Variants in CHRM3 observed in about 807,000 individuals in gnomAD.
CHRM3 encodes the protein muscarinic acetylcholine receptor M3.
A neutral mutation model predicts 41.8 loss-of-function variants in CHRM3; 11 were observed. The ratio of observed to expected loss-of-function variants is 0.26; its 90% CI spans 0.17 to 0.44. The LOEUF is 0.44. CHRM3 is among the 20% of genes least tolerant of loss of function. The pLI, the probability that CHRM3 is intolerant of heterozygous loss-of-function variation, is 1.00. For synonymous variants in CHRM3, 297 were observed against 301.4 expected, an observed-to-expected ratio of 0.99 and a Z score of 0.15; for missense variants, 571 against 745.4, an observed-to-expected ratio of 0.77 and a Z score of 2.72.
chr1:239,780,958 T>G (rs116606463), intron 5 of CHRM3, among the ~76,000 whole-genome samples: 1,967 of 152,204 alleles, frequency 0.013, 36 homozygotes, highest in African/African-American at 0.045. Context: ...GGGCTCTCTA[T>G]TTTGTTTTAT....
At chr1:239,750,810 G>A (rs1033222566) in intron 5 of CHRM3, among the ~76,000 whole-genome samples, 1 of 152,144 alleles carries the variant, frequency 6.6e-6, no homozygotes, top group African/African-American at 2.4e-5. Context: ...TTTCTGGTTG[G>A]TAGGGCTGCC....
At chr1:239,892,058 C>A (rs1200466427) in intron 6 of CHRM3, among the ~76,000 whole-genome samples, 1 of 152,204 alleles carries the variant, frequency 6.6e-6, no homozygotes, top group Admixed American at 6.5e-5. Context: ...AGCTTACACA[C>A]ACTTTTGGTA....
intron 4 of CHRM3, among the ~76,000 whole-genome samples, chr1:239,637,638 C>A (rs1293240495): frequency 2.0e-5 from 3 of 149,740 alleles, no homozygotes; most frequent in Non-Finnish European, 4.4e-5. Context: ...AAGGTCAACC[C>A]CACACAACAC....
intron 6 of CHRM3, among the ~76,000 whole-genome samples, chr1:239,895,539 CA>C (rs1275036209): frequency 1.4e-5 from 2 of 143,390 alleles, no homozygotes; most frequent in Admixed American, 6.7e-5. Context: ...GCACTGTTCA[CA>C]ATAGCAAAGA....
chr1:239,832,692 T>A (rs1341936281), intron 6 of CHRM3, among the ~76,000 whole-genome samples: 3 of 152,018 alleles, frequency 2.0e-5, no homozygotes, highest in African/African-American at 7.3e-5. Context: ...ACGTTCATCC[T>A]AGATCCAATA....
chr1:239,711,824 G>A lies in CHRM3; in HGVS notation c.-147+33536G>A, dbSNP rs550068449. ...TTGCTTCAGCCTCTAGAGTAGCTAG[G>A]ACTGCAGGCACGCACCACCATACTC... On this transcript the variant is annotated intron_variant, in intron 5 of 6. Coordinates refer to ENST00000676153, the MANE Select transcript of CHRM3 (RefSeq NM_001375978.1). Among the ~76,000 whole-genome samples the A allele has an allele frequency of 3.9e-5, 6 of 152,098 alleles. No homozygotes were observed. In the South Asian group the frequency reaches 1.2e-3, roughly 32 times the overall value.
At chr1:239,738,445 G>A (rs1664572048) in intron 5 of CHRM3, among the ~76,000 whole-genome samples, 1 of 152,152 alleles carries the variant, frequency 6.6e-6, no homozygotes, top group Non-Finnish European at 1.5e-5. Flanking sequence ...GCCAAATGGG[G>A]ATTATTATCC....
chr1:239,881,643 C>A (rs1677646111), intron 6 of CHRM3, among the ~76,000 whole-genome samples: 1 of 152,156 alleles, frequency 6.6e-6, no homozygotes, highest in African/African-American at 2.4e-5. Flanking sequence ...ACTTGGAACC[C>A]ACACTCAGCC....
chr1:239,710,133 A>G lies in CHRM3; in HGVS notation c.-147+31845A>G, dbSNP rs536051582. Among the ~76,000 whole-genome samples, 6 of 152,326 alleles carry G rather than the reference A, an allele frequency of 3.9e-5. No homozygotes were observed. The South Asian group carries it at 1.0e-3, about 26-fold the overall frequency. Reference sequence around the variant, plus strand: ...AGAAACAAACATTGTGAATCAAACAATTAAATAGCCAATTAAAAACAAATA... The same window carrying G: ...AGAAACAAACATTGTGAATCAAACAGTTAAATAGCCAATTAAAAACAAATA... On this transcript the variant is annotated intron_variant, in intron 5 of 6. Transcript: ENST00000676153.
intron 2 of CHRM3, among the ~76,000 whole-genome samples, chr1:239,535,208 A>G (rs945485688): frequency 7.9e-5 from 12 of 152,142 alleles, no homozygotes; most frequent in Non-Finnish European, 2.9e-5. Context: ...TCACCAGGGT[A>G]CCAATCAACC....
chr1:239,492,752 G>A lies in CHRM3; in HGVS notation c.-477G>A, dbSNP rs1291099033. 2 of 152,250 alleles carry A rather than the reference G, an allele frequency of 1.3e-5. No individual in the cohort carries two copies. The highest frequency in any genetic ancestry group is 4.8e-5 in the African/African-American group (2 of 41,462). The allele number at this position is 152,250 out of a possible 1,614,324, so 9.4% of individuals were successfully genotyped here. A position where few individuals can be genotyped will look rare whatever the true frequency, so the allele number is the denominator to read the frequency against. ...TTTGGGCCAGGATCTGAACTTAGGTGTAAACCATTGCCCTGGCAGAGGGAA... is the reference window on the plus strand; with the variant it reads ...TTTGGGCCAGGATCTGAACTTAGGTATAAACCATTGCCCTGGCAGAGGGAA... On this transcript the variant is annotated 5_prime_UTR_variant, in exon 2 of 7. Coordinates refer to ENST00000676153, the MANE Select transcript of CHRM3 (RefSeq NM_001375978.1).
intron 4 of CHRM3, among the ~76,000 whole-genome samples, chr1:239,673,304 C>T (rs1309383658): frequency 2.6e-5 from 4 of 152,104 alleles, no homozygotes; most frequent in Admixed American, 6.5e-5. Context: ...GCTGATCACG[C>T]GTTTAAAGTC....
intron 5 of CHRM3, among the ~76,000 whole-genome samples, chr1:239,801,942 A>G (rs1670255094): frequency 6.6e-6 from 1 of 152,172 alleles, no homozygotes; most frequent in Non-Finnish European, 1.5e-5. Context: ...AGACATGCCT[A>G]CTGCCTACGG....
chr1:239,730,117 A>G (rs1663823073), intron 5 of CHRM3, among the ~76,000 whole-genome samples: 1 of 152,034 alleles, frequency 6.6e-6, no homozygotes, highest in Admixed American at 6.6e-5. Context: ...GTTAGAAAAT[A>G]TAGCCAGTTT....
intron 6 of CHRM3, among the ~76,000 whole-genome samples, chr1:239,894,364 A>G (rs1038592043): frequency 6.6e-6 from 1 of 152,238 alleles, no homozygotes; most frequent in Admixed American, 6.5e-5. Context: ...CGGCATGCCC[A>G]GGGACCTCAG....
Position 239,908,162 on chromosome 1 carries a change from C to T in CHRM3, c.711C>T (p.Ile237=), listed in dbSNP as rs374535786. 1.1e-5 allele frequency: 17 copies of T among 1,614,002 alleles called. No individual in the cohort carries two copies. The highest frequency in any genetic ancestry group is 6.7e-5 in the East Asian group (3 of 44,870). ...CCACCATTACTTTTGGCACAGCCAT[C>T]GCTGCTTTTTATATGCCTGTCACCA... is the stretch of plus-strand genomic sequence containing the variant. ...SEPTITFGTA[I]AAFYMPVTIM... Residue 237 remains isoleucine (I), a synonymous_variant, in exon 7 of 7, where the codon ATC becomes ATT. Transcript: ENST00000676153. The surrounding 1 kb of genome is among the most constrained non-coding windows in gnomAD (Gnocchi z 7.2).
At chr1:239,764,305 G>A (rs1309125634) in intron 5 of CHRM3, among the ~76,000 whole-genome samples, 1 of 152,130 alleles carries the variant, frequency 6.6e-6, no homozygotes, top group African/African-American at 2.4e-5. Context: ...CCAAAAAGGG[G>A]AATATTGACA....
In CHRM3 at chr1:239,404,402, AAGAAAGAAAAAGAAAG is replaced by A. The variant is rs71166868; in HGVS notation, c.-521+17177_-521+17192del. ...AAAGAAAGAAAGAAAGAAAGAAAGAAAGAAAGAAAAAGAAAGAAAGAAAGAAAGAAAGAAAGAAAGA... is the reference window on the plus strand; with the variant it reads ...AAAGAAAGAAAGAAAGAAAGAAAGAAAAAGAAAGAAAGAAAGAAAGAAAGA... On this transcript the variant is annotated intron_variant, in intron 1 of 6. Coordinates refer to ENST00000676153, the MANE Select transcript of CHRM3 (RefSeq NM_001375978.1). Among the ~76,000 whole-genome samples the A allele has an allele frequency of 5.6e-3, 363 of 64,434 alleles. 1 individual carries two copies. The highest frequency in any genetic ancestry group is 7.3e-3 in the African/African-American group (112 of 15,358). 42.3% of individuals were successfully genotyped at this position (64,434 alleles called of 152,430 possible). A position where few individuals can be genotyped will look rare whatever the true frequency, so the allele number is the denominator to read the frequency against.
At chr1:239,768,172 A>G (rs1191988194) in intron 5 of CHRM3, among the ~76,000 whole-genome samples, 1 of 152,154 alleles carries the variant, frequency 6.6e-6, no homozygotes, top group African/African-American at 2.4e-5. Context: ...ATGCACTGTG[A>G]TTTTCCAAAA....
Sources: allele counts gnomAD v4.1 joint callset (sites outside exome capture counted in the v4.1 genomes callset), GRCh38; gene constraint gnomAD v4.1.1; non-coding constraint Gnocchi (gnomAD v3.1); transcripts MANE v1.5; gene names NCBI Gene and HGNC (gene_info 2026-07-23, HGNC 2026-07-21).